Variants in TRPM7 observed in about 807,000 individuals in gnomAD.
The protein encoded by TRPM7 is transient receptor potential cation channel subfamily M member 7.
TRPM7 carries 134 observed loss-of-function variants against 229.7 expected under a neutral mutation model. That is an observed-to-expected ratio of 0.58 (90% CI 0.51 to 0.67). TRPM7 has a LOEUF of 0.67. Among genes scored for constraint, TRPM7 ranks in the 30% least tolerant of loss-of-function variants. The pLI, the probability that TRPM7 is intolerant of heterozygous loss-of-function variation, is 0.00. For missense variants in TRPM7, 1,901 were observed against 2,210.0 expected, an observed-to-expected ratio of 0.86 and a Z score of 2.80; for synonymous variants, 699 against 715.2, an observed-to-expected ratio of 0.98 and a Z score of 0.36.
intron 27 of TRPM7, chr15:50,588,284 CAAACTT>C: frequency 4.1e-6 from 4 of 971,752 alleles, no homozygotes; most frequent in South Asian, 9.5e-5. Flanking sequence ...CAACTATTCT[CAAACTT>C]AAAGGCAAAT....
chr15:50,643,673 G>T (rs911800751), intron 4 of TRPM7, 120 bp from the exon 5 acceptor site: 3 of 695,006 alleles, frequency 4.3e-6, no homozygotes, highest in African/African-American at 3.6e-5. Flanking sequence ...GATTTCATAG[G>T]CTATTTTCAA....
Position 50,570,113 on chromosome 15 carries a change from T to C in TRPM7, c.5351A>G (p.Glu1784Gly), listed in dbSNP as rs748363138. The change falls in exon 37 of 39, where the codon GAA becomes GGA. Residue 1784 changes from glutamate (E) to glycine (G), a missense_variant. This residue lies in a region of TRPM7 where 257 missense variants were observed against 352.0 expected (regional missense o/e 0.73). Coordinates refer to ENST00000646667, the MANE Select transcript of TRPM7 (RefSeq NM_017672.6). The stretch of plus-strand genomic sequence containing the variant: ...AGTTAAAACTTATTACCTCTTTTCT[T>C]CTGCTTTTATCACAGATGGGTCAGT... The part of the protein sequence containing the change: ...NLTDPSVIKA[E>G]EKRSCDMVFG... 1.6e-5 allele frequency: 26 copies of C among 1,610,340 alleles called. No individual in the cohort carries two copies. The highest frequency in any genetic ancestry group is 1.9e-5 in the Non-Finnish European group (22 of 1,178,526).
At chr15:50,566,731 A>C (rs753769726) in intron 38 of TRPM7, among the ~76,000 whole-genome samples, 2 of 152,138 alleles carry the variant, frequency 1.3e-5, no homozygotes, top group Non-Finnish European at 2.9e-5. Context: ...GAGAATCAAT[A>C]ATCTAAGTTT....
intron 7 of TRPM7, among the ~76,000 whole-genome samples, chr15:50,635,105 C>G (rs2060850198): frequency 6.6e-6 from 1 of 151,596 alleles, no homozygotes; most frequent in African/African-American, 2.4e-5. Context: ...ATCACAAGGT[C>G]AGGAGATCAA....
intron 10 of TRPM7, among the ~76,000 whole-genome samples, chr15:50,630,250 A>G (rs2060692346): frequency 7.5e-6 from 1 of 132,476 alleles, no homozygotes; most frequent in Admixed American, 8.6e-5. Context: ...TCTTGATACC[A>G]TGATTCCAGA....
intron 12 of TRPM7, 46 bp from the exon 13 acceptor site, chr15:50,619,844 CTAATT>C: frequency 6.7e-7 from 1 of 1,493,862 alleles, no homozygotes; most frequent in Non-Finnish European, 9.2e-7. Context: ...TTCTTCTAAA[CTAATT>C]TAAACCTTAC....
At chr15:50,610,988 A>C (rs2060049792) in intron 17 of TRPM7, 105 bp downstream of exon 17, 1 of 838,218 alleles carries the variant, frequency 1.2e-6, no homozygotes, top group Non-Finnish European at 1.9e-6. Context: ...TTTACCCCCC[A>C]CCATTACACT....
chr15:50,650,652 G>A (rs1171576442), intron 3 of TRPM7, among the ~76,000 whole-genome samples: 4 of 151,906 alleles, frequency 2.6e-5, no homozygotes, highest in Non-Finnish European at 1.5e-5. Flanking sequence ...CCGAGATCGT[G>A]CCACTGCACT....
intron 2 of TRPM7, among the ~76,000 whole-genome samples, 170 bp downstream of exon 2, chr15:50,662,797 G>C (rs2061763721): frequency 6.6e-6 from 1 of 152,156 alleles, no homozygotes; most frequent in Admixed American, 6.5e-5. Context: ...TGATTTCAGT[G>C]CTGTTTCCTC....
At chr15:50,621,157 C>CAAAAAAA (rs35848629) in intron 12 of TRPM7, among the ~76,000 whole-genome samples, 1 of 51,846 alleles carries the variant, frequency 1.9e-5, no homozygotes, top group African/African-American at 6.2e-5. Context: ...GACTCCGTCT[C>CAAAAAAA]AAAAAAAAAA....
chr15:50,641,460 G>A (rs1371802570), intron 5 of TRPM7, among the ~76,000 whole-genome samples: 1 of 151,858 alleles, frequency 6.6e-6, no homozygotes, highest in Non-Finnish European at 1.5e-5. Context: ...CTCCTCAACT[G>A]TCACCTTATC....
chr15:50,603,811 G>A (rs2059846071), intron 21 of TRPM7: 1 of 152,100 alleles, frequency 6.6e-6, no homozygotes, highest in Non-Finnish European at 1.5e-5. Flanking sequence ...ATTAAAATGG[G>A]ACAACTATTT....
intron 28 of TRPM7, among the ~76,000 whole-genome samples, chr15:50,584,687 A>T (rs1179235705): frequency 6.6e-6 from 1 of 151,800 alleles, no homozygotes. Context: ...GAAAATCTGA[A>T]ATCTGAAACG....
rs867152501 is a variant in TRPM7, at chr15:50,615,188, A to G, written c.1495-925T>C. Among the ~76,000 whole-genome samples, 91 of 146,230 alleles carry G rather than the reference A, an allele frequency of 6.2e-4. 1 individual carries two copies. The Middle Eastern group carries it at 0.011, about 17-fold the overall frequency. On this transcript the variant is annotated intron_variant, in intron 13 of 38. Coordinates refer to ENST00000646667, the MANE Select transcript of TRPM7 (RefSeq NM_017672.6). ...CAAAAAAAAAAAAAAAAAAAAAAAA[A>G]AAGAGACAGTGGAAATGCTAATCAG...
chr15:50,617,189 T>C (rs1237510653), intron 13 of TRPM7, among the ~76,000 whole-genome samples: 1 of 149,594 alleles, frequency 6.7e-6, no homozygotes, highest in Admixed American at 6.6e-5. Context: ...TAAAATAAAT[T>C]AGCCAGGCAT....
chr15:50,686,511 G>T lies in TRPM7; in HGVS notation c.3+20C>A, dbSNP rs1393980544. ...CAACCCCAGAACCATTCCCCGCCCG[G>T]GCCTGCGTGGGTCCAGTACCATTCT... On this transcript the variant is annotated intron_variant, in intron 1 of 38. Transcript: ENST00000646667. 1.9e-6 allele frequency: 3 copies of T among 1,613,786 alleles called. No homozygotes were observed. The highest frequency in any genetic ancestry group is 1.7e-5 in the Admixed American group (1 of 60,000).
chr15:50,560,727 T>C lies in TRPM7; in HGVS notation c.*951A>G, dbSNP rs2053277879. The stretch of plus-strand genomic sequence containing the variant: ...TCTTAAGTACCACAAACAGCATTCA[T>C]GTTCAAATGTTCCAACACAATTTTA... On this transcript the variant is annotated 3_prime_UTR_variant, in exon 39 of 39. Coordinates refer to ENST00000646667, the MANE Select transcript of TRPM7 (RefSeq NM_017672.6). 6.6e-6 allele frequency: 1 copy of C among 152,654 alleles called. No homozygotes were observed. Among genetic ancestry groups the C allele is most frequent in the East Asian group, 1.9e-4 (1 of 5,200 alleles). 9.5% of individuals were successfully genotyped at this position (152,654 alleles called of 1,614,324 possible). A position where few individuals can be genotyped will look rare whatever the true frequency, so the allele number is the denominator to read the frequency against.
chr15:50,596,190 C>T lies in TRPM7; in HGVS notation c.3290+65G>A, dbSNP rs28404659. 3,422 of 1,140,102 alleles carry T rather than the reference C, an allele frequency of 3.0e-3. 90 individuals are homozygous for T. In the African/African-American group the frequency reaches 0.051, roughly 17 times the overall value. The allele number at this position is 1,140,102 out of a possible 1,614,324, so 70.6% of individuals were successfully genotyped here. ...TTTAGATTTTAAGTTCTATAAATTT[C>T]CTTCAAAATATGTAGAATTGCATAT... On this transcript the variant is annotated intron_variant, in intron 23 of 38. Coordinates refer to ENST00000646667, the MANE Select transcript of TRPM7 (RefSeq NM_017672.6).
chr15:50,598,631 G>A (rs573505547), intron 22 of TRPM7, among the ~76,000 whole-genome samples: 3 of 152,284 alleles, frequency 2.0e-5, no homozygotes, highest in Non-Finnish European at 4.4e-5. Flanking sequence ...GCAGGCTGAA[G>A]CCAACTCAAG....
Sources: gnomAD v4.1 joint callset for allele counts (sites outside exome capture counted in the v4.1 genomes callset) on GRCh38, gnomAD v4.1.1 for gene constraint, gnomAD v4.1.1 regional missense constraint, MANE v1.5 for transcripts, NCBI Gene and HGNC (gene_info 2026-07-23, HGNC 2026-07-21) for gene names.